SCAPER: variants seen among roughly 807,000 people sequenced by gnomAD.
SCAPER encodes S-phase cyclin A associated protein in the ER.
Under a neutral mutation model 182.2 loss-of-function variants are expected in SCAPER, and 98 were observed. The observed-to-expected ratio is 0.54, with a 90% CI of 0.46 to 0.64. The LOEUF (loss-of-function observed/expected upper bound fraction) is 0.64, where lower values mean the gene tolerates loss of function less well. Among genes scored for constraint, SCAPER ranks in the 30% least tolerant of loss-of-function variants. The pLI, the probability that SCAPER is intolerant of heterozygous loss-of-function variation, is 0.00. For missense variants in SCAPER, 1,432 were observed against 1,690.0 expected, an observed-to-expected ratio of 0.85 and a Z score of 2.68; for synonymous variants, 605 against 564.6, an observed-to-expected ratio of 1.07 and a Z score of -1.01.
At chr15:76,787,238 C>T (rs550384796) in intron 8 of SCAPER, among the ~76,000 whole-genome samples, 3 of 152,222 alleles carry the variant, frequency 2.0e-5, no homozygotes, top group Admixed American at 2.0e-4. Flanking sequence ...AGGCTTACCA[C>T]AGAGTTAATC....
intron 23 of SCAPER, among the ~76,000 whole-genome samples, chr15:76,572,940 C>CAT (rs1555489492): frequency 1.7e-4 from 26 of 151,612 alleles, no homozygotes; most frequent in African/African-American, 6.3e-4. Context: ...CACACACACA[C>CAT]ACACAGAGAA....
rs1411462566 is a variant in SCAPER at position 76,873,323 on chromosome 15, AAGGAAGGAAGGCAGGC to A, written c.6+10473_6+10488del. ...GAAGGAAGGAAGGAAGGAAGGAAGG[AAGGAAGGAAGGCAGGC>A]AGGCAGGCAGGCAGGCAGGCAGGCA... On this transcript the variant is annotated intron_variant, in intron 2 of 31. Transcript: ENST00000563290. Among the ~76,000 whole-genome samples, 928 of 124,780 alleles carry A rather than the reference AAGGAAGGAAGGCAGGC, an allele frequency of 7.4e-3. 4 individuals carry two copies. Among genetic ancestry groups the A allele is most frequent in the Middle Eastern group, 0.011 (3 of 266 alleles). The allele number at this position is 124,780 out of a possible 152,430, so 81.9% of individuals were successfully genotyped here.
At chr15:76,627,110 TTCATTA>T (rs2052656409) in intron 21 of SCAPER, among the ~76,000 whole-genome samples, 1 of 152,290 alleles carries the variant, frequency 6.6e-6, no homozygotes, top group Non-Finnish European at 1.5e-5. Flanking sequence ...ACTGCATTTG[TTCATTA>T]TTAATCTCAA....
chr15:76,868,285 C>G (rs972162478), intron 2 of SCAPER, among the ~76,000 whole-genome samples: 1 of 151,930 alleles, frequency 6.6e-6, no homozygotes, highest in Non-Finnish European at 1.5e-5. Flanking sequence ...CCTAGCACTT[C>G]GAGAGGCAGA....
rs746670301 is a variant in SCAPER at position 76,376,203 on chromosome 15, C to T, written c.3814G>A (p.Val1272Ile). 5.3e-5 allele frequency: 85 copies of T among 1,613,876 alleles called. No homozygotes were observed. Among genetic ancestry groups the T allele is most frequent in the South Asian group, 2.3e-4 (21 of 91,092 alleles). ...TTGACAGTGAAGTAGCCCACACAGA[C>T]GATGACCTCATGAAGGAGGCTTTCA... ...SCESLLHEVI[V>I]CVGYFTVNHP... Residue 1272 changes from valine to isoleucine, a missense_variant, in exon 29 of 32, where the codon GTC becomes ATC. Coordinates refer to ENST00000563290, the MANE Select transcript of SCAPER (RefSeq NM_020843.4).
chr15:76,581,254 A>G (rs2048248751), intron 22 of SCAPER, among the ~76,000 whole-genome samples: 1 of 152,236 alleles, frequency 6.6e-6, no homozygotes, highest in South Asian at 2.1e-4. Context: ...CAATCTTATC[A>G]ATCTTACTCA....
chr15:76,377,586 A>G (rs1484012234), intron 28 of SCAPER, among the ~76,000 whole-genome samples: 1 of 152,220 alleles, frequency 6.6e-6, no homozygotes, highest in African/African-American at 2.4e-5. Context: ...ACCACCTTCA[A>G]TTGTAAAAAC....
intron 24 of SCAPER, among the ~76,000 whole-genome samples, chr15:76,482,055 CATA>C (rs2051189798): frequency 6.6e-6 from 1 of 151,960 alleles, no homozygotes; most frequent in Non-Finnish European, 1.5e-5. Context: ...TCAGCAGGCG[CATA>C]ATATCTGAAT....
At chr15:76,545,108 T>A (rs186191071) in intron 23 of SCAPER, among the ~76,000 whole-genome samples, 1 of 152,116 alleles carries the variant, frequency 6.6e-6, no homozygotes, top group Non-Finnish European at 1.5e-5. Flanking sequence ...TGGGGGCCAA[T>A]GAGATTTTTT....
intron 15 of SCAPER, among the ~76,000 whole-genome samples, chr15:76,743,674 A>C (rs910658962): frequency 2.0e-5 from 3 of 152,164 alleles, no homozygotes; most frequent in African/African-American, 4.8e-5. Context: ...AAAACATCCC[A>C]TGTGCATGTA....
chr15:76,750,690 C>T (rs1435985803), intron 15 of SCAPER, among the ~76,000 whole-genome samples: 1 of 151,758 alleles, frequency 6.6e-6, no homozygotes, highest in Non-Finnish European at 1.5e-5. Context: ...CAGAAGAAAA[C>T]ATTTGACAAT....
At chr15:76,759,550 T>C (rs2062650729) in intron 14 of SCAPER, among the ~76,000 whole-genome samples, 1 of 152,176 alleles carries the variant, frequency 6.6e-6, no homozygotes, top group African/African-American at 2.4e-5. Flanking sequence ...TTAATATTGT[T>C]ACAATAGCAA....
chr15:76,612,104 C>T (rs566462008), intron 22 of SCAPER, among the ~76,000 whole-genome samples: 1 of 152,208 alleles, frequency 6.6e-6, no homozygotes, highest in South Asian at 2.1e-4. Flanking sequence ...GGCAATCAGG[C>T]AAGAGAAATA....
chr15:76,359,230 T>G (rs922712659), intron 29 of SCAPER, among the ~76,000 whole-genome samples: 6 of 150,380 alleles, frequency 4.0e-5, no homozygotes, highest in Non-Finnish European at 7.4e-5. Flanking sequence ...GCCCCATCTC[T>G]CCATAAGGAC....
chr15:76,664,727 TA>T (rs1255991619), intron 21 of SCAPER, among the ~76,000 whole-genome samples: 2 of 152,166 alleles, frequency 1.3e-5, no homozygotes, highest in African/African-American at 4.8e-5. Context: ...AGTAATGCTC[TA>T]AAATACACCG....
rs1031826674 is a variant in SCAPER, at chr15:76,800,288, T to C, written c.571A>G (p.Ile191Val). 1 of 1,613,310 alleles carries C rather than the reference T, an allele frequency of 6.2e-7. No homozygotes were observed. Residue 191 changes from isoleucine to valine, a missense_variant, in exon 7 of 32, where the codon ATA (isoleucine) becomes GTA (valine). Around this residue, in one of 5 missense-constraint regions of SCAPER, gnomAD observed 480 missense variants for 510.2 expected, o/e 0.94. Transcript: ENST00000563290. The stretch of plus-strand genomic sequence containing the variant: ...CGTCGAGCATTTGATGTTACATTTA[T>C]TCTATCTGTTGATGGACTTGGAATC... ...HVIPSPSTDRINVTSNARRSL... is the reference protein window; with the variant it reads ...HVIPSPSTDRVNVTSNARRSL...
chr15:76,783,761 T>C (rs1168517924), intron 8 of SCAPER, among the ~76,000 whole-genome samples: 3 of 152,224 alleles, frequency 2.0e-5, no homozygotes, highest in Admixed American at 2.0e-4. Flanking sequence ...TAATCCATTA[T>C]ATAAACAGAA....
intron 23 of SCAPER, among the ~76,000 whole-genome samples, chr15:76,544,716 A>G (rs2045100398): frequency 6.6e-6 from 1 of 152,312 alleles, no homozygotes; most frequent in South Asian, 2.1e-4. Context: ...TTCTGGGGTG[A>G]TGAAAATCTT....
chr15:76,753,998 T>A lies in SCAPER; in HGVS notation c.1726-50A>T, dbSNP rs1249466196. The A allele has an allele frequency of 1.9e-6, 3 of 1,573,632 alleles. No individual in the cohort carries two copies. The East Asian group carries it at 6.8e-5, about 35-fold the overall frequency. On this transcript the variant is annotated intron_variant, in intron 14 of 31. Coordinates refer to ENST00000563290, the MANE Select transcript of SCAPER (RefSeq NM_020843.4). ...CTTAATTTCAATATATACAATCATTTAAAAGAAGTACAAACAAGTAAATGG... is the reference window on the plus strand; with the variant it reads ...CTTAATTTCAATATATACAATCATTAAAAAGAAGTACAAACAAGTAAATGG...
Sources: gnomAD v4.1 joint callset for allele counts (sites outside exome capture counted in the v4.1 genomes callset) on GRCh38, gnomAD v4.1.1 for gene constraint, gnomAD v4.1.1 regional missense constraint, MANE v1.5 for transcripts, NCBI Gene and HGNC (gene_info 2026-07-23, HGNC 2026-07-21) for gene names.